The following TMEM178B variants were observed in gnomAD, a reference collection of about 807,000 sequenced individuals.
The protein encoded by TMEM178B is transmembrane protein 178B.
Under a neutral mutation model 31.0 loss-of-function variants are expected in TMEM178B, and 5 were observed. That is an observed-to-expected ratio of 0.16 (90% CI 0.08 to 0.34). The LOEUF (loss-of-function observed/expected upper bound fraction) is 0.34. Among genes scored for constraint, TMEM178B ranks in the 10% least tolerant of loss-of-function variants. The pLI, the probability that TMEM178B is intolerant of heterozygous loss-of-function variation, is 1.00. For missense variants in TMEM178B, 275 were observed against 400.3 expected (o/e 0.69, Z 2.67); for synonymous variants, 164 against 164.0 (o/e 1.00, Z 0.00).
intron 2 of TMEM178B, among the ~76,000 whole-genome samples, chr7:141,412,186 C>T (rs1057380425): frequency 4.6e-5 from 7 of 152,132 alleles, no homozygotes; most frequent in Non-Finnish European, 8.8e-5. Flanking sequence ...AAGGTCATTA[C>T]GACAATTAAA....
At chr7:141,115,065 CAG>C (rs1350481209) in intron 1 of TMEM178B, among the ~76,000 whole-genome samples, 3 of 151,832 alleles carry the variant, frequency 2.0e-5, no homozygotes, top group African/African-American at 4.8e-5. Flanking sequence ...GTGTTTGTGA[CAG>C]AGTCTCGCTT....
chr7:141,489,844 C>G, the TMEM178B span, among the ~76,000 whole-genome samples: 32 of 152,232 alleles, frequency 2.1e-4, no homozygotes, highest in Non-Finnish European at 4.4e-5. Flanking sequence ...ATAACATCCT[C>G]TAGATTTGTG....
chr7:141,164,419 C>T (rs1796228465), intron 1 of TMEM178B, among the ~76,000 whole-genome samples: 1 of 152,124 alleles, frequency 6.6e-6, no homozygotes, highest in Admixed American at 6.5e-5. Context: ...TTGGAATTCT[C>T]ACCAACCAGT....
chr7:141,441,189 A>G (rs1184693170), intron 3 of TMEM178B, among the ~76,000 whole-genome samples: 1 of 152,228 alleles, frequency 6.6e-6, no homozygotes, highest in Non-Finnish European at 1.5e-5. Flanking sequence ...CTCTTTGCTC[A>G]GCAGATAGAG....
intron 1 of TMEM178B, among the ~76,000 whole-genome samples, chr7:141,115,185 G>C (rs954530743): frequency 1.3e-5 from 2 of 152,150 alleles, no homozygotes; most frequent in East Asian, 3.9e-4. Context: ...TGGGATTACA[G>C]GTGTGTGCTA....
At chr7:141,410,444 T>TTCCC (rs1216072907) in intron 2 of TMEM178B, among the ~76,000 whole-genome samples, 2 of 151,204 alleles carry the variant, frequency 1.3e-5, no homozygotes, top group Admixed American at 1.3e-4. Context: ...TTCTTTTATT[T>TTCCC]TCCCTCCCTC....
At chr7:141,116,856 T>C (rs145639514) in intron 1 of TMEM178B, among the ~76,000 whole-genome samples, 80 of 152,360 alleles carry the variant, frequency 5.3e-4, no homozygotes, top group African/African-American at 1.9e-3. Flanking sequence ...TCATGCTTTT[T>C]TATGGCTGCA....
chr7:141,223,634 G>C (rs1372455191), intron 2 of TMEM178B, among the ~76,000 whole-genome samples: 2 of 152,072 alleles, frequency 1.3e-5, no homozygotes, highest in Non-Finnish European at 2.9e-5. Flanking sequence ...AGAGTTCTGG[G>C]AGTTTGGGGG....
chr7:141,366,852 C>T (rs925617697), intron 2 of TMEM178B, among the ~76,000 whole-genome samples: 1 of 152,098 alleles, frequency 6.6e-6, no homozygotes, highest in Non-Finnish European at 1.5e-5. Context: ...GCTGCTCAGG[C>T]TCTCCGGCCC....
At chr7:141,371,679 A>G (rs1800119640) in intron 2 of TMEM178B, among the ~76,000 whole-genome samples, 1 of 152,138 alleles carries the variant, frequency 6.6e-6, no homozygotes, top group African/African-American at 2.4e-5. Flanking sequence ...CCAGAACACT[A>G]AAGGTCTGAA....
intron 3 of TMEM178B, among the ~76,000 whole-genome samples, chr7:141,445,411 C>A (rs1356143493): frequency 6.6e-6 from 1 of 152,214 alleles, no homozygotes; most frequent in African/African-American, 2.4e-5. Flanking sequence ...TCTTATAGAA[C>A]AACATTCAGG....
At chr7:141,444,777 G>A (rs1424459020) in intron 3 of TMEM178B, among the ~76,000 whole-genome samples, 1 of 151,974 alleles carries the variant, frequency 6.6e-6, no homozygotes, top group East Asian at 1.9e-4. Context: ...TGCATCCCCA[G>A]CCCTGCCCCT....
intron 1 of TMEM178B, among the ~76,000 whole-genome samples, chr7:141,182,719 G>A (rs1333637207): frequency 6.6e-6 from 1 of 152,188 alleles, no homozygotes. Context: ...TCGTGGGGCG[G>A]TTTCTCCCAT....
intron 3 of TMEM178B, among the ~76,000 whole-genome samples, chr7:141,454,585 T>TCTCCTCTCC: frequency 7.3e-6 from 1 of 137,866 alleles, no homozygotes; most frequent in Non-Finnish European, 1.6e-5. Flanking sequence ...CTCTCCTCTC[T>TCTCCTCTCC]CTCCTCTCTC....
At chr7:141,279,492 C>T (rs1203943402) in intron 2 of TMEM178B, among the ~76,000 whole-genome samples, 6 of 152,194 alleles carry the variant, frequency 3.9e-5, no homozygotes, top group Non-Finnish European at 8.8e-5. Flanking sequence ...CTTTCTGACT[C>T]GAAGGCTGTC....
rs1477939591 is a variant in TMEM178B, at chr7:141,074,484, C to T, written c.174C>T (p.Asn58=). 2.0e-6 allele frequency: 3 copies of T among 1,535,982 alleles called. No individual in the cohort carries two copies. The highest frequency in any genetic ancestry group is 2.6e-6 in the Non-Finnish European group (3 of 1,146,872). ...TRRVDPGFIY[N]NNNNLPLRAS... is the part of the protein sequence containing the mutation. Reference sequence around the variant, plus strand: ...GGGTCGACCCCGGCTTCATTTACAACAATAACAACAACTTGCCGCTCCGGG... The same window carrying T: ...GGGTCGACCCCGGCTTCATTTACAATAATAACAACAACTTGCCGCTCCGGG... Residue 58 remains asparagine, a synonymous_variant, in exon 1 of 4, where the codon AAC becomes AAT. Coordinates refer to ENST00000565468, the MANE Select transcript of TMEM178B (RefSeq NM_001195278.2). The surrounding 1 kb of genome is among the most constrained non-coding windows in gnomAD (Gnocchi z 5.1).
At chr7:141,385,292 G>A (rs1182354783) in intron 2 of TMEM178B, among the ~76,000 whole-genome samples, 6 of 152,152 alleles carry the variant, frequency 3.9e-5, no homozygotes, top group South Asian at 2.1e-4. Flanking sequence ...AAGAATAACC[G>A]TTAACAGGGA....
intron 1 of TMEM178B, among the ~76,000 whole-genome samples, chr7:141,089,483 C>G (rs896838310): frequency 6.6e-6 from 1 of 151,692 alleles, no homozygotes. Context: ...CTAGAAATAC[C>G]ATTTGAGCCA....
intron 2 of TMEM178B, among the ~76,000 whole-genome samples, chr7:141,402,807 T>A (rs1311597193): frequency 2.0e-5 from 3 of 152,228 alleles, no homozygotes; most frequent in Non-Finnish European, 4.4e-5. Flanking sequence ...GAGGCCTGAG[T>A]GCTGACAGCA....
Sources: allele counts gnomAD v4.1 joint callset (sites outside exome capture counted in the v4.1 genomes callset), GRCh38; gene constraint gnomAD v4.1.1; non-coding constraint Gnocchi (gnomAD v3.1); transcripts MANE v1.5; gene names NCBI Gene and HGNC (gene_info 2026-07-23, HGNC 2026-07-21).